Variants in KNDC1 observed in about 807,000 individuals in gnomAD.
KNDC1 encodes kinase non-catalytic C-lobe domain-containing protein 1.
KNDC1 carries 106 observed loss-of-function variants against 172.8 expected under a neutral mutation model. The ratio of observed to expected loss-of-function variants is 0.61; its 90% CI spans 0.52 to 0.72. The LOEUF is 0.72. Among genes scored for constraint, KNDC1 ranks in the 30% least tolerant of loss-of-function variants. KNDC1 has a pLI of 0.00. For synonymous variants in KNDC1, 1,083 were observed against 1,062.2 expected (o/e 1.02, Z -0.38); for missense variants, 2,325 against 2,394.5 (o/e 0.97, Z 0.61).
Position 133,199,549 on chromosome 10 carries a change from G to A in KNDC1, c.2850G>A (p.Lys950=), listed in dbSNP as rs1854303876. 4.3e-6 allele frequency: 7 copies of A among 1,613,782 alleles called. No homozygotes were observed. The East Asian group carries it at 8.9e-5, about 21-fold the overall frequency. Residue 950 remains lysine (K), a synonymous_variant, in exon 15 of 30, where the codon AAG becomes AAA. Coordinates refer to ENST00000304613, the MANE Select transcript of KNDC1 (RefSeq NM_152643.8). ...EKFCDLYWDE[K]LLQNLFKVVN... is the part of the protein sequence containing the mutation. ...TCTGTGACCTGTACTGGGATGAGAA[G>A]TTGCTGCAGAACCTCTTTAAGGTGG...
At chr10:133,177,865 C>T (rs949638873) in intron 3 of KNDC1, among the ~76,000 whole-genome samples, 5 of 150,008 alleles carry the variant, frequency 3.3e-5, no homozygotes, top group Admixed American at 2.0e-4. Flanking sequence ...GTCATGGGCA[C>T]GTGTGTAGCA....
intron 17 of KNDC1, chr10:133,202,129 G>A (rs1418242089): frequency 1.1e-5 from 8 of 704,394 alleles, no homozygotes; most frequent in Admixed American, 2.0e-5. Flanking sequence ...GTGGCTCCAC[G>A]TCTGAGGACA....
chr10:133,164,490 G>A (rs1034595393), intron 1 of KNDC1, among the ~76,000 whole-genome samples: 5 of 152,328 alleles, frequency 3.3e-5, no homozygotes, highest in African/African-American at 4.8e-5. Flanking sequence ...AGGAGGCGGC[G>A]CTGGGCAGAC....
intron 26 of KNDC1, among the ~76,000 whole-genome samples, chr10:133,216,398 C>T (rs746840806): frequency 8.5e-5 from 13 of 152,134 alleles, no homozygotes; most frequent in Non-Finnish European, 1.5e-4. Flanking sequence ...AAAACGCAGG[C>T]CGGTCGCAGT....
intron 1 of KNDC1, among the ~76,000 whole-genome samples, chr10:133,164,613 C>T (rs1196411561): frequency 6.6e-6 from 1 of 152,242 alleles, no homozygotes; most frequent in Non-Finnish European, 1.5e-5. Flanking sequence ...GGCAGCCCCG[C>T]AGCCCGGCTG....
chr10:133,201,782 C>G lies in KNDC1; in HGVS notation c.3271C>G (p.Pro1091Ala), dbSNP rs756146447. ...CCCAGCCGGATTCCAGAGCTGCAGC[C>G]CCGGCTGGTGCAGCGCCTTCTACGA... Reference protein sequence around the residue: ...PGPAGFQSCSPGWCSAFYEAD... With the variant: ...PGPAGFQSCSAGWCSAFYEAD... The change falls in exon 17 of 30, where the codon CCC becomes GCC. Residue 1091 changes from proline (P) to alanine (A), a missense_variant. Pro to Ala is a conservative substitution (Grantham distance 27). Transcript: ENST00000304613. 11 of 1,546,208 alleles carry G rather than the reference C, an allele frequency of 7.1e-6. No individual in the cohort carries two copies. The African/African-American group carries it at 1.5e-4, about 21-fold the overall frequency.
At position 133,180,837 on chromosome 10, in the gene KNDC1, C is replaced by T. The variant is rs145126277; in HGVS notation, c.361-2507C>T. ...GAAAAATTAAAACTGCGAGTAGATA[C>T]GAACAGATGCTTGGTCTCATTCATA... On this transcript the variant is annotated intron_variant, in intron 3 of 29. Coordinates refer to ENST00000304613, the MANE Select transcript of KNDC1 (RefSeq NM_152643.8). Among the ~76,000 whole-genome samples, 483 of 152,350 alleles carry T rather than the reference C, an allele frequency of 3.2e-3. 2 individuals carry two copies. The highest frequency in any genetic ancestry group is 0.011 in the African/African-American group (450 of 41,572).
At chr10:133,212,008 C>T (rs1380205357) in intron 23 of KNDC1, 150 bp downstream of exon 23, 49 of 732,370 alleles carry the variant, frequency 6.7e-5, no homozygotes, top group Non-Finnish European at 1.0e-4. Flanking sequence ...GACGTGTGCA[C>T]ATACACTTGT....
chr10:133,187,820 G>A (rs547264963), intron 6 of KNDC1, among the ~76,000 whole-genome samples: 105 of 152,258 alleles, frequency 6.9e-4, no homozygotes, highest in South Asian at 1.9e-3. Context: ...ACAGCTCAGC[G>A]GCATTGGGTG....
chr10:133,223,540 G>A (rs1215534614), intron 29 of KNDC1, among the ~76,000 whole-genome samples: 9 of 53,710 alleles, frequency 1.7e-4, no homozygotes, highest in Admixed American at 2.1e-4. Context: ...TGCTCTTCCC[G>A]GCGTGTGTGT....
chr10:133,197,169 G>A (rs199810086), intron 11 of KNDC1, 34 bp downstream of exon 11: 27 of 1,532,058 alleles, frequency 1.8e-5, no homozygotes, highest in Middle Eastern at 1.7e-4. Flanking sequence ...CGCCTCCTCC[G>A]CCGCGCTTAG....
chr10:133,193,147 G>C (rs2135987811), intron 9 of KNDC1, among the ~76,000 whole-genome samples: 1 of 152,360 alleles, frequency 6.6e-6, no homozygotes, highest in East Asian at 1.9e-4. Flanking sequence ...ATCAGTAACT[G>C]TAGAGGAAGT....
chr10:133,168,303 C>T lies in KNDC1; in HGVS notation c.351C>T (p.Asn117=). ...CCCCCGAGTTCGACGTGACCGGGAA[C>T]ACCTTTGAGGTAAGTGCAGGTGGGG... The part of the protein sequence containing the change: ...FVPPEFDVTG[N]TFEAHIYSLG... The change falls in exon 3 of 30, where the codon AAC becomes AAT. Residue 117 remains asparagine, a synonymous_variant. Transcript: ENST00000304613. 1 of 1,614,160 alleles carries T rather than the reference C, an allele frequency of 6.2e-7. No homozygotes were observed. The highest frequency in any genetic ancestry group is 2.2e-5 in the East Asian group (1 of 44,878).
chr10:133,182,592 G>A lies in KNDC1; in HGVS notation c.361-752G>A, dbSNP rs1037723526. Among the ~76,000 whole-genome samples the A allele has an allele frequency of 3.3e-5, 5 of 152,358 alleles. No homozygotes were observed. The East Asian group carries it at 7.7e-4, about 24-fold the overall frequency. Reference sequence around the variant, plus strand: ...GAAGAAGTGTCCAGGCCTGAAGTGCGGCCGTGTCCAGGGTGGACCTCGTGC... The same window carrying A: ...GAAGAAGTGTCCAGGCCTGAAGTGCAGCCGTGTCCAGGGTGGACCTCGTGC... On this transcript the variant is annotated intron_variant, in intron 3 of 29. Transcript: ENST00000304613.
chr10:133,194,793 A>T (rs1854144002), intron 9 of KNDC1, among the ~76,000 whole-genome samples: 1 of 152,334 alleles, frequency 6.6e-6, no homozygotes, highest in South Asian at 2.1e-4. Context: ...GACTCTCTGG[A>T]CTTACTGAAG....
chr10:133,212,595 A>T, intron 23 of KNDC1, 121 bp from the exon 24 acceptor site: 1 of 771,844 alleles, frequency 1.3e-6, no homozygotes, highest in South Asian at 1.7e-5. Context: ...TGGCTGGGCC[A>T]GTCTGAGGAG....
At chr10:133,206,631 T>C in intron 17 of KNDC1, 54 bp from the exon 18 acceptor site, 3 of 1,466,556 alleles carry the variant, frequency 2.0e-6, no homozygotes, top group Non-Finnish European at 2.9e-6. Flanking sequence ...GCCCTGGATG[T>C]GGCTGACGTG....
rs757156283 is a variant in KNDC1, at chr10:133,163,247, AC to A, written c.102+2679del. The stretch of plus-strand genomic sequence containing the variant: ...GCACCGGTTTGGGTGCCAGAGCAGG[AC>A]GTGTCCCGGGTCCCTGAGAGGCAGG... On this transcript the variant is annotated intron_variant, in intron 1 of 29. Transcript: ENST00000304613. The surrounding 1 kb of genome is among the most constrained non-coding windows in gnomAD (Gnocchi z 4.4). Among the ~76,000 whole-genome samples the A allele has an allele frequency of 1.3e-5, 2 of 152,180 alleles. No individual in the cohort carries two copies. The highest frequency in any genetic ancestry group is 2.4e-5 in the African/African-American group (1 of 41,432).
intron 6 of KNDC1, 61 bp downstream of exon 6, chr10:133,186,735 G>A: frequency 8.2e-7 from 1 of 1,219,006 alleles, no homozygotes; most frequent in Non-Finnish European, 1.1e-6. Flanking sequence ...CCGGGGCCGG[G>A]CCTCTCCACA....
Sources: allele counts gnomAD v4.1 joint callset (sites outside exome capture counted in the v4.1 genomes callset), GRCh38; gene constraint gnomAD v4.1.1; non-coding constraint Gnocchi (gnomAD v3.1); transcripts MANE v1.5; gene names NCBI Gene and HGNC (gene_info 2026-07-23, HGNC 2026-07-21).